The following DPF3 variants were observed in gnomAD, a reference collection of about 807,000 sequenced individuals.
DPF3 encodes the protein double PHD fingers 3.
A neutral mutation model predicts 56.8 loss-of-function variants in DPF3; 18 were observed. The observed-to-expected ratio is 0.32, with a 90% CI of 0.22 to 0.47. The LOEUF is 0.47. Among genes scored for constraint, DPF3 ranks in the 20% least tolerant of loss-of-function variants. The probability of loss-of-function intolerance (pLI) is 1.00; values close to 1 mark genes in which losing one functional copy is unlikely to be tolerated. For missense variants in DPF3, 403 were observed against 488.8 expected (o/e 0.82, Z 1.65); for synonymous variants, 188 against 180.2 (o/e 1.04, Z -0.35).
At chr14:72,875,135 T>C (rs994746429) in intron 1 of DPF3, among the ~76,000 whole-genome samples, 9 of 152,204 alleles carry the variant, frequency 5.9e-5, no homozygotes, top group Non-Finnish European at 1.0e-4. Context: ...AAGACTGGCC[T>C]CCATGATTCA....
At chr14:72,656,798 G>T (rs1217304705) in intron 8 of DPF3, among the ~76,000 whole-genome samples, 1 of 152,192 alleles carries the variant, frequency 6.6e-6, no homozygotes, top group East Asian at 1.9e-4. Context: ...CCCGCTGAAA[G>T]TTATCCTGAG....
At chr14:72,621,752 A>G (rs935257553) in intron 9 of DPF3, among the ~76,000 whole-genome samples, 3 of 152,174 alleles carry the variant, frequency 2.0e-5, no homozygotes, top group Admixed American at 6.5e-5. Context: ...CGGCATGGAG[A>G]AAGAAATGGG....
chr14:72,769,348 TG>T lies in DPF3; in HGVS notation c.193+2384del, dbSNP rs1255318500. Reference sequence around the variant, plus strand: ...GAAATATTTCATCCTAATATTAGGATGGCAAGAAGGCCATCAGAAACTACTG... The same window carrying T: ...GAAATATTTCATCCTAATATTAGGATGCAAGAAGGCCATCAGAAACTACTG... On this transcript the variant is annotated intron_variant, in intron 2 of 10. Transcript: ENST00000556509. Among the ~76,000 whole-genome samples the T allele has an allele frequency of 2.0e-4, 31 of 152,218 alleles. No individual in the cohort carries two copies. The East Asian group carries it at 4.8e-3, about 24-fold the overall frequency.
chr14:72,712,147 G>C (rs1288538820), intron 6 of DPF3, among the ~76,000 whole-genome samples: 2 of 152,118 alleles, frequency 1.3e-5, no homozygotes, highest in Non-Finnish European at 2.9e-5. Context: ...AGCAGCCGCT[G>C]AGACTTCCAG....
chr14:72,651,901 A>T (rs1885919926), intron 8 of DPF3, among the ~76,000 whole-genome samples: 1 of 152,070 alleles, frequency 6.6e-6, no homozygotes, highest in African/African-American at 2.4e-5. Flanking sequence ...GCTCAGGCTC[A>T]TTTGCACACT....
At chr14:72,794,244 A>C (rs1292611148) in intron 1 of DPF3, among the ~76,000 whole-genome samples, 1 of 152,202 alleles carries the variant, frequency 6.6e-6, no homozygotes, top group Non-Finnish European at 1.5e-5. Flanking sequence ...TGATCAGTAA[A>C]TATTAGTGGT....
At chr14:72,838,842 C>G (rs1317458263) in intron 1 of DPF3, among the ~76,000 whole-genome samples, 2 of 145,266 alleles carry the variant, frequency 1.4e-5, no homozygotes, top group Non-Finnish European at 3.0e-5. Flanking sequence ...CCTTATCTTT[C>G]CAGTATATGG....
intron 9 of DPF3, among the ~76,000 whole-genome samples, chr14:72,626,753 A>G (rs943860163): frequency 6.6e-6 from 1 of 152,082 alleles, no homozygotes; most frequent in Admixed American, 6.5e-5. Context: ...GGTATTGTCA[A>G]ATTTCCCTCC....
chr14:72,749,989 G>A (rs1216906381), intron 3 of DPF3, among the ~76,000 whole-genome samples: 1 of 152,158 alleles, frequency 6.6e-6, no homozygotes, highest in African/African-American at 2.4e-5. Context: ...GGGATTTACT[G>A]GTACATGAGC....
intron 1 of DPF3, chr14:72,892,526 C>T: frequency 7.2e-7 from 1 of 1,388,918 alleles, no homozygotes; most frequent in African/African-American, 1.5e-5. Flanking sequence ...TTCTGATGGG[C>T]GACGAGCTGG....
At chr14:72,744,309 G>C (rs761681058) in intron 3 of DPF3, among the ~76,000 whole-genome samples, 4 of 151,732 alleles carry the variant, frequency 2.6e-5, no homozygotes, top group Non-Finnish European at 4.4e-5. Context: ...GCCTCCCTCT[G>C]TCACCCAGGC....
chr14:72,810,703 A>T (rs1231790977), intron 1 of DPF3, among the ~76,000 whole-genome samples: 2 of 152,216 alleles, frequency 1.3e-5, no homozygotes, highest in African/African-American at 2.4e-5. Flanking sequence ...ATCACGTTTC[A>T]TCAGAAGAAC....
At chr14:72,723,247 CA>C (rs776197288) in intron 5 of DPF3, among the ~76,000 whole-genome samples, 24 of 152,080 alleles carry the variant, frequency 1.6e-4, no homozygotes, top group Non-Finnish European at 2.8e-4. Context: ...CCATGTACCC[CA>C]AAAGCAGGTA....
At position 72,741,291 on chromosome 14, in the gene DPF3, C is replaced by A. The variant is rs551239381; in HGVS notation, c.302-9357G>T. Among the ~76,000 whole-genome samples, 8 of 152,296 alleles carry A rather than the reference C, an allele frequency of 5.3e-5. No homozygotes were observed. In the South Asian group the frequency reaches 1.7e-3, roughly 32 times the overall value. On this transcript the variant is annotated intron_variant, in intron 3 of 10. Transcript: ENST00000556509. ...CCACACGCCTCTCAGAATAACCCCG[C>A]AAAATCACCATGACCCACATCTCAC...
At chr14:72,749,619 C>G (rs1049018923) in intron 3 of DPF3, among the ~76,000 whole-genome samples, 9 of 152,218 alleles carry the variant, frequency 5.9e-5, no homozygotes, top group African/African-American at 2.2e-4. Flanking sequence ...TGTAGCTCCC[C>G]TAATTCCCAC....
At chr14:72,787,878 G>A (rs111904456) in intron 1 of DPF3, among the ~76,000 whole-genome samples, 34 of 152,254 alleles carry the variant, frequency 2.2e-4, no homozygotes, top group African/African-American at 7.0e-4. Context: ...CTGGTGGCCC[G>A]GCTTCTCCAT....
chr14:72,763,681 T>G (rs1891150529), intron 2 of DPF3, among the ~76,000 whole-genome samples: 1 of 152,166 alleles, frequency 6.6e-6, no homozygotes, highest in African/African-American at 2.4e-5. Context: ...TAGGTAGTAA[T>G]TTCTCAGACA....
chr14:72,696,513 A>G (rs746967350), intron 6 of DPF3, among the ~76,000 whole-genome samples: 11 of 152,228 alleles, frequency 7.2e-5, no homozygotes, highest in Non-Finnish European at 1.5e-4. Context: ...ACATATACAT[A>G]CTACGCCTTC....
At position 72,633,743 on chromosome 14, in the gene DPF3, G is replaced by A. The variant is rs192583604; in HGVS notation, c.872-4007C>T. 2.0e-3 allele frequency among the ~76,000 whole-genome samples: 307 copies of A among 152,256 alleles called. 18 individuals are homozygous for A. The highest frequency in any genetic ancestry group is 0.02 in the Admixed American group (306 of 15,296). On this transcript the variant is annotated intron_variant, in intron 8 of 10. Coordinates refer to ENST00000556509, the MANE Select transcript of DPF3 (RefSeq NM_001280542.3). ...AGTCAGCACATTCCAGAGCATGACA[G>A]AACTCAGCAGCCAAATGTGCATCTG...
Sources: gnomAD v4.1 joint callset for allele counts (sites outside exome capture counted in the v4.1 genomes callset) on GRCh38, gnomAD v4.1.1 for gene constraint, MANE v1.5 for transcripts, NCBI Gene and HGNC (gene_info 2026-07-23, HGNC 2026-07-21) for gene names.